PTPRE: variants seen among roughly 807,000 people sequenced by gnomAD.
PTPRE encodes the protein receptor-type tyrosine-protein phosphatase epsilon.
PTPRE carries 51 observed loss-of-function variants against 102.0 expected under a neutral mutation model. The ratio of observed to expected loss-of-function variants is 0.50; its 90% CI spans 0.40 to 0.63. PTPRE has a LOEUF of 0.63. Ranked by LOEUF, PTPRE falls within the 30% of genes least tolerant of loss-of-function variation. The pLI is 0.00. For synonymous variants in PTPRE, 345 were observed against 348.2 expected, an observed-to-expected ratio of 0.99 and a Z score of 0.10; for missense variants, 752 against 915.1, an observed-to-expected ratio of 0.82 and a Z score of 2.30.
intron 3 of PTPRE, among the ~76,000 whole-genome samples, chr10:128,043,299 T>C (rs1358643026): frequency 1.3e-5 from 2 of 152,250 alleles, no homozygotes; most frequent in African/African-American, 4.8e-5. Flanking sequence ...ACGGCCCCTC[T>C]GGGGGTGATG....
chr10:128,050,365 A>G (rs972006939), intron 6 of PTPRE, among the ~76,000 whole-genome samples: 2 of 133,204 alleles, frequency 1.5e-5, no homozygotes, highest in African/African-American at 2.9e-5. Flanking sequence ...GGATGGATGG[A>G]TGGATGGATG....
chr10:127,931,516 T>A (rs1847441109), intron 1 of PTPRE, among the ~76,000 whole-genome samples: 1 of 152,248 alleles, frequency 6.6e-6, no homozygotes, highest in Non-Finnish European at 1.5e-5. Context: ...CCCATCTTTC[T>A]TTCTTTCTGT....
chr10:127,999,579 A>G (rs1208490412), intron 2 of PTPRE: 3 of 985,372 alleles, frequency 3.0e-6, no homozygotes, highest in Non-Finnish European at 3.6e-6. Flanking sequence ...TCGAGCACGC[A>G]GGTTGCACTG....
intron 2 of PTPRE, among the ~76,000 whole-genome samples, chr10:127,985,047 G>A (rs1851966168): frequency 6.6e-6 from 1 of 152,244 alleles, no homozygotes; most frequent in African/African-American, 2.4e-5. Context: ...TCAGAGACGT[G>A]CTTTTGAGTC....
chr10:128,048,136 G>A (rs956144278), intron 5 of PTPRE, among the ~76,000 whole-genome samples: 1 of 152,074 alleles, frequency 6.6e-6, no homozygotes, highest in African/African-American at 2.4e-5. Flanking sequence ...ACTTTTCAGT[G>A]AGGCCTTACA....
rs540687359 is a variant in PTPRE at position 128,076,298 on chromosome 10, T to C, written c.1600-305T>C. 2.0e-5 allele frequency among the ~76,000 whole-genome samples: 3 copies of C among 152,308 alleles called. No homozygotes were observed. In the East Asian group the frequency reaches 5.8e-4, roughly 29 times the overall value. On this transcript the variant is annotated intron_variant, in intron 17 of 20. Transcript: ENST00000254667. ...CACTCACATCAACCCTGGTAGGGAA[T>C]GAGTCAGGGATCCAATTTCATTTTC...
chr10:128,072,327 T>A, intron 16 of PTPRE, 113 bp downstream of exon 16: 1 of 1,019,004 alleles, frequency 9.8e-7, no homozygotes, highest in Non-Finnish European at 1.4e-6. Context: ...TTCCAGAAAC[T>A]CAGCCATTTT....
intron 16 of PTPRE, chr10:128,072,627 G>A (rs1397664662): frequency 2.2e-5 from 3 of 133,536 alleles, no homozygotes; most frequent in Non-Finnish European, 3.0e-5. Flanking sequence ...ACTCCAACCT[G>A]GGCAACAGAG....
intron 2 of PTPRE, chr10:127,998,843 A>G (rs1853567644): frequency 6.6e-6 from 1 of 152,162 alleles, no homozygotes. Flanking sequence ...AAAAGAAGCT[A>G]TGTGAAAAAA....
chr10:127,917,384 T>A (rs1846285643), intron 1 of PTPRE, among the ~76,000 whole-genome samples: 1 of 152,176 alleles, frequency 6.6e-6, no homozygotes, highest in South Asian at 2.1e-4. Context: ...ATCTTTCTGT[T>A]AAATTTGGCT....
chr10:127,937,223 T>C (rs1847902635), intron 1 of PTPRE, among the ~76,000 whole-genome samples: 1 of 152,174 alleles, frequency 6.6e-6, no homozygotes, highest in Non-Finnish European at 1.5e-5. Context: ...AATGGCTTTT[T>C]ATAAATCTGC....
chr10:128,077,465 C>G, intron 18 of PTPRE, 152 bp from the exon 19 acceptor site: 6 of 1,024,620 alleles, frequency 5.9e-6, no homozygotes, highest in Non-Finnish European at 8.2e-6. Context: ...CAGGTTTCAG[C>G]CTTCTCCTTC....
intron 1 of PTPRE, among the ~76,000 whole-genome samples, chr10:127,958,311 G>A (rs755984760): frequency 5.9e-5 from 9 of 152,102 alleles, no homozygotes; most frequent in African/African-American, 1.9e-4. Flanking sequence ...TACCATTAAC[G>A]TATGACATTA....
intron 3 of PTPRE, among the ~76,000 whole-genome samples, chr10:128,045,324 A>T (rs945518696): frequency 6.6e-6 from 1 of 152,190 alleles, no homozygotes; most frequent in African/African-American, 2.4e-5. Flanking sequence ...AGACCCACGG[A>T]GGGCTGGTGG....
intron 2 of PTPRE, among the ~76,000 whole-genome samples, chr10:127,993,198 C>G (rs747592006): frequency 1.3e-5 from 2 of 152,164 alleles, no homozygotes; most frequent in South Asian, 4.2e-4. Flanking sequence ...TTTCTTAAAT[C>G]CCCAGGAAAG....
chr10:128,064,360 C>T (rs929495739), intron 10 of PTPRE, among the ~76,000 whole-genome samples: 6 of 152,242 alleles, frequency 3.9e-5, no homozygotes, highest in Admixed American at 6.5e-5. Context: ...ACCCCTTTGC[C>T]CTTGCAAATC....
intron 1 of PTPRE, among the ~76,000 whole-genome samples, chr10:127,953,674 T>C (rs117203454): frequency 3.0e-4 from 45 of 152,312 alleles, no homozygotes; most frequent in Middle Eastern, 3.4e-3. Context: ...CACCCCATGG[T>C]CATTTGCCAG....
intron 1 of PTPRE, among the ~76,000 whole-genome samples, chr10:127,958,775 TC>T (rs1417031548): frequency 6.6e-6 from 1 of 152,188 alleles, no homozygotes; most frequent in East Asian, 1.9e-4. Context: ...TTAATTTATT[TC>T]TTAAATATTT....
intron 1 of PTPRE, chr10:127,934,097 G>A (rs957335362): frequency 1.5e-5 from 2 of 133,764 alleles, no homozygotes; most frequent in Admixed American, 1.9e-4. Context: ...TCCCACAGTT[G>A]TTTTGAAAAC....
Sources: gnomAD v4.1 joint callset for allele counts (sites outside exome capture counted in the v4.1 genomes callset) on GRCh38, gnomAD v4.1.1 for gene constraint, MANE v1.5 for transcripts, NCBI Gene and HGNC (gene_info 2026-07-23, HGNC 2026-07-21) for gene names.